PNKP: variants seen among roughly 807,000 people sequenced by gnomAD.
PNKP encodes the protein polynucleotide kinase 3'-phosphatase.
PNKP carries 82 observed loss-of-function variants against 66.2 expected under a neutral mutation model. The observed-to-expected ratio is 1.24, with a 90% confidence interval of 1.04 to 1.49. The LOEUF (loss-of-function observed/expected upper bound fraction) is 1.49, where lower values mean the gene tolerates loss of function less well. Among genes scored for constraint, PNKP ranks in the 40% most tolerant of loss-of-function variants. PNKP has a pLI of 0.00. For synonymous variants in PNKP, 412 were observed against 298.9 expected (o/e 1.38, Z -3.90); for missense variants, 907 against 706.8 (o/e 1.28, Z -3.21).
rs544308206 is a variant in PNKP at position 49,862,955 on chromosome 19, C to A, written c.817-217G>T. 30 of 654,126 alleles carry A rather than the reference C, an allele frequency of 4.6e-5. No homozygotes were observed. In the Admixed American group the frequency reaches 6.4e-4, roughly 14 times the overall value. The allele number at this position is 654,126 out of a possible 1,614,324, so 40.5% of individuals were successfully genotyped here. ...CCCCTCCCTCCAGGTCTCCCGACTTCACCTCCTCCCGTTCCCCACGCGGCC... is the reference window on the plus strand; with the variant it reads ...CCCCTCCCTCCAGGTCTCCCGACTTAACCTCCTCCCGTTCCCCACGCGGCC... On this transcript the variant is annotated intron_variant, in intron 8 of 16. Coordinates refer to ENST00000322344, the MANE Select transcript of PNKP (RefSeq NM_007254.4).
chr19:49,865,625 T>TG, intron 3 of PNKP, 199 bp from the exon 4 acceptor site: 1 of 180,200 alleles, frequency 5.5e-6, no homozygotes, highest in Non-Finnish European at 9.3e-6. Flanking sequence ...TTTTTTTTTT[T>TG]CCCCTGGAGA....
Position 49,861,663 on chromosome 19 carries a change from GGGA to G in PNKP, c.1328_1330del (p.Val443_Pro444delinsAla). 6.5e-7 allele frequency: 1 copy of G among 1,549,984 alleles called. No homozygotes were observed. Among genetic ancestry groups the G allele is most frequent in the Non-Finnish European group, 8.7e-7 (1 of 1,146,934 alleles). On this transcript the variant is annotated inframe_deletion, in exon 15 of 17. Coordinates refer to ENST00000322344, the MANE Select transcript of PNKP (RefSeq NM_007254.4). ...GGCGGTGAAGAGGAAGCAGCGGCAG[GGGA>G]CGCCCGCGGCTCGGGCACACTGGAC...
rs1360853546 is a variant in PNKP, at chr19:49,862,208, ACCACCT to A, written c.1097_1102del (p.Glu366_Val367del). 2 of 1,613,354 alleles carry A rather than the reference ACCACCT, an allele frequency of 1.2e-6. No homozygotes were observed. Among genetic ancestry groups the A allele is most frequent in the Non-Finnish European group, 1.7e-6 (2 of 1,179,736 alleles). ...ACCCCCAGGGAATCCCACTGCGACA[ACCACCT>A]CCGGGCTGGCGCTCAGGAGGGCCCT... On this transcript the variant is annotated inframe_deletion, in exon 12 of 17. Transcript: ENST00000322344.
Position 49,865,260 on chromosome 19 carries a change from G to A in PNKP, c.365C>T (p.Thr122Ile). 4 of 1,614,208 alleles carry A rather than the reference G, an allele frequency of 2.5e-6. No homozygotes were observed. Among genetic ancestry groups the A allele is most frequent in the Middle Eastern group, 1.6e-4 (1 of 6,062 alleles). The change falls in exon 4 of 17, where the codon ACC becomes ATC. Residue 122 changes from threonine (T) to isoleucine (I), a missense_variant. Physicochemically the swap from Thr to Ile is moderately conservative, Grantham distance 89. Transcript: ENST00000322344. ...PESQPDTPPGTPLVSQDEKRD... is the reference protein window; with the variant it reads ...PESQPDTPPGIPLVSQDEKRD... The stretch of plus-strand genomic sequence containing the variant: ...CTTCTCATCTTGGGACACCAGAGGG[G>A]TGCCAGGCGGAGTATCTGGCTGGGA...
At chr19:49,863,929 C>T (rs1461629853) in intron 7 of PNKP, 35 bp downstream of exon 7, 3 of 1,533,034 alleles carry the variant, frequency 2.0e-6, no homozygotes, top group Non-Finnish European at 2.7e-6. Flanking sequence ...ATCTCTGTGC[C>T]CCCACATAGC....
At position 49,865,625 on chromosome 19, in the gene PNKP, TC is replaced by T. The variant is rs34609679; in HGVS notation, c.199-200del. The T allele has an allele frequency of 0.021, 3,698 of 179,074 alleles. 151 individuals are homozygous for T. Among genetic ancestry groups the T allele is most frequent in the African/African-American group, 0.088 (1,204 of 13,674 alleles). 11.1% of individuals were successfully genotyped at this position (179,074 alleles called of 1,614,324 possible). A position where few individuals can be genotyped will look rare whatever the true frequency, so the allele number is the denominator to read the frequency against. On this transcript the variant is annotated intron_variant, in intron 3 of 16. Coordinates refer to ENST00000322344, the MANE Select transcript of PNKP (RefSeq NM_007254.4). ...TCTTTTTTTTTTTTTTTTTTTTTTTTCCCCTGGAGATATAGGCTTGTTTTGT... is the reference window on the plus strand; with the variant it reads ...TCTTTTTTTTTTTTTTTTTTTTTTTTCCCTGGAGATATAGGCTTGTTTTGT...
chr19:49,861,387 A>AGGGACAGCCTGGATCATGT, intron 16 of PNKP, 22 bp from the exon 17 acceptor site: 3 of 1,613,854 alleles, frequency 1.9e-6, no homozygotes, highest in Non-Finnish European at 2.5e-6. Flanking sequence ...GGGAACAGTG[A>AGGGACAGCCTGGATCATGT]GGGACAGCCT....
rs2074769766 is a variant in PNKP, at chr19:49,861,840, C to G, written c.1230G>C (p.Glu410Asp). ...CCCGTTTCCCTTGCTTCAGGGCTGT[C>G]TCACACGTGGTCACACAGCGCTGCC... ...GSWQRCVTTC[E>D]TALKQGKRVA... The change falls in exon 14 of 17, where the codon GAG becomes GAC. Residue 410 changes from glutamate to aspartate, a missense_variant. Transcript: ENST00000322344. 1.3e-6 allele frequency: 2 copies of G among 1,593,952 alleles called. No individual in the cohort carries two copies. Among genetic ancestry groups the G allele is most frequent in the Non-Finnish European group, 8.5e-7 (1 of 1,172,900 alleles).
Position 49,862,618 on chromosome 19 carries a change from A to G in PNKP, c.866-10T>C. 1.2e-6 allele frequency: 2 copies of G among 1,613,834 alleles called. No homozygotes were observed. The highest frequency in any genetic ancestry group is 1.3e-5 in the African/African-American group (1 of 74,996). The stretch of plus-strand genomic sequence containing the variant: ...GGGCGTCCGGCTGCGTCTGGAACAC[A>G]CGGGACACCCCGTTCCCACCAGCTC... On this transcript the variant is annotated splice_polypyrimidine_tract_variant and intron_variant, in intron 9 of 16. Coordinates refer to ENST00000322344, the MANE Select transcript of PNKP (RefSeq NM_007254.4).
intron 8 of PNKP, 21 bp from the exon 9 acceptor site, chr19:49,862,759 G>A: frequency 6.2e-7 from 1 of 1,613,822 alleles, no homozygotes; most frequent in South Asian, 1.1e-5. Flanking sequence ...CGGTAGTGAG[G>A]AGGCCCTTCC....
Position 49,862,483 on chromosome 19 carries a change from A to G in PNKP, c.937-20T>C, listed in dbSNP as rs894694605. On this transcript the variant is annotated intron_variant, in intron 10 of 16. Coordinates refer to ENST00000322344, the MANE Select transcript of PNKP (RefSeq NM_007254.4). ...GGCAAACTAGGGGTTGAGGACGAAC[A>G]TCAGACACAGGCCAGGGTCGGGCTC... is the stretch of plus-strand genomic sequence containing the variant. 1 of 1,595,776 alleles carries G rather than the reference A, an allele frequency of 6.3e-7. No individual in the cohort carries two copies. The highest frequency in any genetic ancestry group is 1.3e-5 in the African/African-American group (1 of 74,698).
At chr19:49,863,020 C>CAG (rs2074790770) in intron 8 of PNKP, among the ~76,000 whole-genome samples, 3 of 152,262 alleles carry the variant, frequency 2.0e-5, no homozygotes, top group Middle Eastern at 3.4e-3. Flanking sequence ...CAGCCTCCGG[C>CAG]GTGCCGGCGC....
intron 8 of PNKP, 112 bp downstream of exon 8, chr19:49,863,577 G>T: frequency 1.3e-6 from 1 of 746,856 alleles, no homozygotes; most frequent in Non-Finnish European, 2.4e-6. Context: ...ACAGAAGGAG[G>T]GAGCGAGAGA....
At chr19:49,863,157 C>T (rs1265978757) in intron 8 of PNKP, among the ~76,000 whole-genome samples, 1 of 152,220 alleles carries the variant, frequency 6.6e-6, no homozygotes, top group Non-Finnish European at 1.5e-5. Flanking sequence ...TAGGGACTGC[C>T]TCAGGGCCTT....
At chr19:49,867,261 T>C in intron 1 of PNKP, 44 bp from the exon 2 acceptor site, 1 of 1,546,230 alleles carries the variant, frequency 6.5e-7, no homozygotes, top group East Asian at 2.4e-5. Flanking sequence ...CAGCCCCAAT[T>C]TGCTGCAGGA....
At chr19:49,863,100 G>A (rs747484951) in intron 8 of PNKP, among the ~76,000 whole-genome samples, 1 of 152,078 alleles carries the variant, frequency 6.6e-6, no homozygotes, top group Non-Finnish European at 1.5e-5. Context: ...CCCCTCCCTC[G>A]CTTAGAGCCA....
At position 49,866,379 on chromosome 19, in the gene PNKP, C is replaced by A. The variant is rs1321657795; in HGVS notation, c.198+20G>T. On this transcript the variant is annotated intron_variant, in intron 3 of 16. Transcript: ENST00000322344. ...AATCCCATCCCCAGGCCTTGCTGGC[C>A]CTTGCAGAGGCACTGATACCTGTTT... 1 of 1,611,304 alleles carries A rather than the reference C, an allele frequency of 6.2e-7. No homozygotes were observed. The highest frequency in any genetic ancestry group is 2.2e-5 in the East Asian group (1 of 44,880).
rs375755965 is a variant in PNKP, at chr19:49,862,583, C to G, written c.891G>C (p.Trp297Cys). 2 of 1,613,278 alleles carry G rather than the reference C, an allele frequency of 1.2e-6. No individual in the cohort carries two copies. Among genetic ancestry groups the G allele is most frequent in the African/African-American group, 2.7e-5 (2 of 74,908 alleles). ...VGDAAGRPAN[W>C]APGRKKKDFS... is the part of the protein sequence containing the mutation. ...AGTCTTTCTTCTTCCGCCCCGGGGC[C>G]CAGTTGGCCGGGCGTCCGGCTGCGT... The change falls in exon 10 of 17, where the codon TGG becomes TGC. Residue 297 changes from tryptophan to cysteine, a missense_variant. Transcript: ENST00000322344.
Position 49,864,077 on chromosome 19 carries a change from G to C in PNKP, c.637-6C>G. The C allele has an allele frequency of 6.2e-7, 1 of 1,613,550 alleles. No individual in the cohort carries two copies. Among genetic ancestry groups the C allele is most frequent in the Non-Finnish European group, 8.5e-7 (1 of 1,179,724 alleles). ...TGGTTGGTGAAGATCACCAGCTGGG[G>C]AGCAAAGGGTGTCACCAGACGCTCT... is the stretch of plus-strand genomic sequence containing the variant. On this transcript the variant is annotated splice_region_variant and splice_polypyrimidine_tract_variant and intron_variant, in intron 6 of 16. Coordinates refer to ENST00000322344, the MANE Select transcript of PNKP (RefSeq NM_007254.4).
Sources: allele counts gnomAD v4.1 joint callset (sites outside exome capture counted in the v4.1 genomes callset), GRCh38; gene constraint gnomAD v4.1.1; transcripts MANE v1.5; gene names NCBI Gene and HGNC (gene_info 2026-07-23, HGNC 2026-07-21).